The following EFR3A variants were observed in gnomAD, a reference collection of about 807,000 sequenced individuals.
EFR3A encodes EFR3 homolog A.
In EFR3A, 76 loss-of-function variants were observed where a neutral mutation model predicts 104.4. The ratio of observed to expected loss-of-function variants is 0.73; its 90% CI spans 0.60 to 0.88. The LOEUF is 0.88. Among genes scored for constraint, EFR3A ranks in the 40% least tolerant of loss-of-function variants. The pLI, the probability that EFR3A is intolerant of heterozygous loss-of-function variation, is 0.00. For synonymous variants in EFR3A, 330 were observed against 330.0 expected (o/e 1.00, Z 0.00); for missense variants, 985 against 1,012.5 (o/e 0.97, Z 0.37).
chr8:131,967,633 T>C (rs1819814351), intron 8 of EFR3A, among the ~76,000 whole-genome samples: 1 of 152,162 alleles, frequency 6.6e-6, no homozygotes. Flanking sequence ...GCTATCCTTT[T>C]TTTGATTTAG....
At chr8:131,977,178 T>G in intron 12 of EFR3A, 86 bp downstream of exon 12, 1 of 949,310 alleles carries the variant, frequency 1.1e-6, no homozygotes, top group Middle Eastern at 2.2e-4. Context: ...ACAACCGTTC[T>G]TTCTTAAGTA....
At chr8:131,919,899 T>G in intron 1 of EFR3A, among the ~76,000 whole-genome samples, 1 of 151,312 alleles carries the variant, frequency 6.6e-6, no homozygotes. Context: ...ATATTTAAGT[T>G]TAAAAACCTG....
intron 1 of EFR3A, among the ~76,000 whole-genome samples, chr8:131,921,682 AG>A (rs1450673486): frequency 6.6e-6 from 1 of 152,154 alleles, no homozygotes; most frequent in Non-Finnish European, 1.5e-5. Context: ...CACTTGAAAA[AG>A]ATTGGTAAAA....
At position 132,002,667 on chromosome 8, in the gene EFR3A, A is replaced by G. The variant is rs1001573486; in HGVS notation, c.2271A>G (p.Lys757=). 2.5e-6 allele frequency: 4 copies of G among 1,613,700 alleles called. No individual in the cohort carries two copies. The highest frequency in any genetic ancestry group is 2.5e-6 in the Non-Finnish European group (3 of 1,179,762). The change falls in exon 21 of 23, where the codon AAA becomes AAG. Residue 757 remains lysine (K), a synonymous_variant. Transcript: ENST00000254624. ...KRRLVIEKFQ[K]APFEEIAAQC... is the part of the protein sequence containing the mutation. ...GTCTTGTGATAGAGAAATTTCAGAA[A>G]GCACCTTTTGAAGAAATAGCAGCAC...
At chr8:131,906,699 C>T (rs1563803308) in intron 1 of EFR3A, among the ~76,000 whole-genome samples, 1 of 152,150 alleles carries the variant, frequency 6.6e-6, no homozygotes, top group Non-Finnish European at 1.5e-5. Context: ...AAAGCAACCA[C>T]CTGGAAGGAT....
intron 7 of EFR3A, 67 bp downstream of exon 7, chr8:131,955,972 T>G: frequency 6.4e-7 from 1 of 1,565,514 alleles, no homozygotes; most frequent in South Asian, 1.2e-5. Flanking sequence ...AACTTATTTA[T>G]AGAGGACAAC....
At chr8:131,931,417 A>C (rs867103018) in intron 1 of EFR3A, among the ~76,000 whole-genome samples, 1 of 152,146 alleles carries the variant, frequency 6.6e-6, no homozygotes, top group East Asian at 1.9e-4. Context: ...AATCAGTATA[A>C]TTAGGTATAT....
chr8:131,987,225 A>G (rs997690599), intron 17 of EFR3A, among the ~76,000 whole-genome samples: 2 of 151,200 alleles, frequency 1.3e-5, no homozygotes, highest in African/African-American at 4.9e-5. Flanking sequence ...TTTTTTTTTT[A>G]TTTTGTCTCT....
intron 1 of EFR3A, among the ~76,000 whole-genome samples, chr8:131,939,562 TC>T (rs1246879333): frequency 6.6e-6 from 1 of 152,170 alleles, no homozygotes; most frequent in Non-Finnish European, 1.5e-5. Context: ...TAACAAAATT[TC>T]CCATTCTTAC....
intron 22 of EFR3A, among the ~76,000 whole-genome samples, chr8:132,003,951 G>T (rs1299622562): frequency 6.6e-6 from 1 of 152,030 alleles, no homozygotes; most frequent in Non-Finnish European, 1.5e-5. Flanking sequence ...CTATGCTTCT[G>T]GAAATTTTTT....
chr8:131,926,844 G>A (rs986486152), intron 1 of EFR3A, among the ~76,000 whole-genome samples: 1 of 146,178 alleles, frequency 6.8e-6, no homozygotes, highest in Non-Finnish European at 1.5e-5. Context: ...GTCAAATGCT[G>A]TTAGTTTTCA....
chr8:131,977,175 T>G (rs913946675), intron 12 of EFR3A, 83 bp downstream of exon 12: 40 of 983,624 alleles, frequency 4.1e-5, no homozygotes, highest in Middle Eastern at 2.1e-4. Flanking sequence ...GTTACAACCG[T>G]TCTTTCTTAA....
intron 8 of EFR3A, among the ~76,000 whole-genome samples, chr8:131,964,375 C>T (rs565571374): frequency 6.6e-6 from 1 of 152,174 alleles, no homozygotes; most frequent in African/African-American, 2.4e-5. Flanking sequence ...TCAGCAAAGT[C>T]TCAGGATACA....
intron 18 of EFR3A, among the ~76,000 whole-genome samples, chr8:131,994,273 A>G (rs1821365137): frequency 6.6e-6 from 1 of 151,690 alleles, no homozygotes; most frequent in African/African-American, 2.4e-5. Context: ...AGAGAGAAAG[A>G]TGAAGTGTTG....
At chr8:131,919,137 TC>T (rs1487723930) in intron 1 of EFR3A, among the ~76,000 whole-genome samples, 1 of 152,066 alleles carries the variant, frequency 6.6e-6, no homozygotes, top group Non-Finnish European at 1.5e-5. Context: ...CCCAAACCTA[TC>T]TTTTTTCCCC....
chr8:131,976,959 G>T (rs1049394677), intron 11 of EFR3A, 82 bp from the exon 12 acceptor site: 3 of 982,524 alleles, frequency 3.1e-6, no homozygotes, highest in Admixed American at 4.9e-5. Context: ...AATAAGAATA[G>T]AATTTTAAAA....
At chr8:131,953,683 TTG>T in intron 5 of EFR3A, 133 bp from the exon 6 acceptor site, 1 of 878,374 alleles carries the variant, frequency 1.1e-6, no homozygotes, top group Non-Finnish European at 1.6e-6. Context: ...TTTCTTAGAC[TTG>T]TGTGTTATTT....
chr8:131,976,458 A>G (rs187073224), intron 11 of EFR3A, among the ~76,000 whole-genome samples: 2 of 152,136 alleles, frequency 1.3e-5, no homozygotes, highest in African/African-American at 4.8e-5. Context: ...ATTAATGTCA[A>G]TATATCAGAA....
chr8:131,913,756 A>ACAGTTCCCTTGC (rs1816629919), intron 1 of EFR3A, among the ~76,000 whole-genome samples: 1 of 151,870 alleles, frequency 6.6e-6, no homozygotes, highest in African/African-American at 2.4e-5. Flanking sequence ...AGTTCCCTTG[A>ACAGTTCCCTTGC]TGTGGTTACA....
Sources: gnomAD v4.1 joint callset for allele counts (sites outside exome capture counted in the v4.1 genomes callset) on GRCh38, gnomAD v4.1.1 for gene constraint, MANE v1.5 for transcripts, NCBI Gene and HGNC (gene_info 2026-07-23, HGNC 2026-07-21) for gene names.